The following AZIN2 variants were observed in gnomAD, a reference collection of about 807,000 sequenced individuals.
AZIN2 encodes antizyme inhibitor 2, also known as ODC antizyme inhibitor-2.
Under a neutral mutation model 47.8 loss-of-function variants are expected in AZIN2, and 28 were observed. That is an observed-to-expected ratio of 0.59 (90% CI 0.43 to 0.80). The LOEUF (loss-of-function observed/expected upper bound fraction) is 0.80, where lower values mean the gene tolerates loss of function less well. Among genes scored for constraint, AZIN2 ranks in the 30% least tolerant of loss-of-function variants. The pLI, the probability that AZIN2 is intolerant of heterozygous loss-of-function variation, is 0.00. For synonymous variants in AZIN2, 221 were observed against 239.4 expected (o/e 0.92, Z 0.71); for missense variants, 535 against 582.5 (o/e 0.92, Z 0.84).
the AZIN2 span, among the ~76,000 whole-genome samples, chr1:33,131,642 ATATAT>A: frequency 4.6e-5 from 7 of 152,078 alleles, no homozygotes; most frequent in African/African-American, 1.4e-4. Context: ...AATAATTAAA[ATATAT>A]TAAATTAATT....
chr1:33,150,376 G>C, the AZIN2 span, among the ~76,000 whole-genome samples: 1 of 152,260 alleles, frequency 6.6e-6, no homozygotes, highest in African/African-American at 2.4e-5. Flanking sequence ...CCAACAGGGA[G>C]CTACAGCCAG....
At chr1:33,091,374 G>A (rs940590724) in intron 5 of AZIN2, among the ~76,000 whole-genome samples, 1 of 152,190 alleles carries the variant, frequency 6.6e-6, no homozygotes, top group African/African-American at 2.4e-5. Context: ...TGAGTAGCTG[G>A]AACTACAGGC....
chr1:33,083,753 G>A (rs1320886575), intron 4 of AZIN2: 1 of 610,542 alleles, frequency 1.6e-6, no homozygotes, highest in South Asian at 1.9e-5. Context: ...GGGAGGGATT[G>A]GGGCTAGATC....
the AZIN2 span, among the ~76,000 whole-genome samples, chr1:33,140,909 G>T: frequency 6.6e-6 from 1 of 152,156 alleles, no homozygotes; most frequent in East Asian, 1.9e-4. This position sits in a 1 kb window ranked among gnomAD's most constrained non-coding sequence, Gnocchi z 4.0. Flanking sequence ...GTTCCCAGGG[G>T]GTAGGAGGAG....
chr1:33,107,588 A>G (rs1484157998), intron 10 of AZIN2, among the ~76,000 whole-genome samples: 1 of 152,178 alleles, frequency 6.6e-6, no homozygotes, highest in African/African-American at 2.4e-5. Context: ...CAAAAACAAA[A>G]CAAAACAAAC....
At chr1:33,130,103 C>T in the AZIN2 span, among the ~76,000 whole-genome samples, 2 of 152,202 alleles carry the variant, frequency 1.3e-5, no homozygotes, top group East Asian at 3.9e-4. Flanking sequence ...ACGTGATCCA[C>T]CTGCCTTGGC....
chr1:33,088,415 G>A (rs1642172664), intron 5 of AZIN2, among the ~76,000 whole-genome samples: 1 of 152,202 alleles, frequency 6.6e-6, no homozygotes, highest in South Asian at 2.1e-4. Flanking sequence ...GGGCGATGGT[G>A]ATAGCCACTG....
Position 33,098,173 on chromosome 1 carries a change from G to A in AZIN2, c.1023G>A (p.Leu341=), listed in dbSNP as rs1643360232. 1.2e-6 allele frequency: 2 copies of A among 1,608,086 alleles called. No individual in the cohort carries two copies. Among genetic ancestry groups the A allele is most frequent in the Non-Finnish European group, 1.7e-6 (2 of 1,177,210 alleles). The part of the protein sequence containing the change: ...LFDNICPTPI[L]QKKPSTEQPL... Reference sequence around the variant, plus strand: ...ACAACATCTGCCCTACCCCCATCCTGCAGAAGGTGAGCTTACCCCACGTGG... The same window carrying A: ...ACAACATCTGCCCTACCCCCATCCTACAGAAGGTGAGCTTACCCCACGTGG... Residue 341 remains leucine (L), a synonymous_variant, in exon 10 of 12, where the codon CTG becomes CTA. Transcript: ENST00000294517.
At chr1:33,111,776 A>AT (rs1175165270) in intron 10 of AZIN2, among the ~76,000 whole-genome samples, 2 of 151,196 alleles carry the variant, frequency 1.3e-5, no homozygotes, top group East Asian at 1.9e-4. Flanking sequence ...TAATTTTTGT[A>AT]TTTTTTTTAG....
chr1:33,151,702 G>A, the AZIN2 span, among the ~76,000 whole-genome samples: 1 of 152,194 alleles, frequency 6.6e-6, no homozygotes, highest in South Asian at 2.1e-4. Flanking sequence ...GAGGCAGCCC[G>A]TCTGGTCTCC....
intron 10 of AZIN2, among the ~76,000 whole-genome samples, chr1:33,099,715 T>G (rs1223729539): frequency 6.6e-6 from 1 of 152,246 alleles, no homozygotes; most frequent in African/African-American, 2.4e-5. Context: ...TTGTGGTCTG[T>G]GCTGTTCCTC....
intron 9 of AZIN2, 41 bp from the exon 10 acceptor site, chr1:33,098,026 C>T (rs1643338924): frequency 1.4e-6 from 2 of 1,476,648 alleles, no homozygotes; most frequent in African/African-American, 2.8e-5. Context: ...CACCCCCTCA[C>T]ATTGCTACTT....
intron 10 of AZIN2, chr1:33,102,026 G>A (rs752274715): frequency 2.4e-5 from 15 of 632,282 alleles, no homozygotes; most frequent in Middle Eastern, 2.6e-4. Context: ...GAGTGAGCAA[G>A]GAGTGGAATG....
chr1:33,108,504 C>T lies in AZIN2; in HGVS notation c.1030-9398C>T, dbSNP rs192065164. 8.2e-3 allele frequency among the ~76,000 whole-genome samples: 1,243 copies of T among 152,036 alleles called. 10 individuals are homozygous for T. The highest frequency in any genetic ancestry group is 0.014 in the Non-Finnish European group (946 of 67,960). On this transcript the variant is annotated intron_variant, in intron 10 of 11. Transcript: ENST00000294517. ...ATTACAGACATGTGCCATCATGCCC[C>T]GCTACTTTTTGTATTTTTAGTAGAG...
rs151049367 is a variant in AZIN2, at chr1:33,094,633, G to A, written c.673G>A (p.Glu225Lys). Residue 225 changes from glutamate to lysine, a missense_variant, in exon 8 of 12, where the codon GAG becomes AAG. Around this residue, in one of 3 missense-constraint regions of AZIN2, gnomAD observed 409 missense variants for 429.0 expected, o/e 0.95. Transcript: ENST00000294517. ...CCGGCTCGTGTTTGAAATGGGCACC[G>A]AGCTGGGTCACAAGATGCACGTTCT... is the stretch of plus-strand genomic sequence containing the variant. ...DARLVFEMGT[E>K]LGHKMHVLDL... is the part of the protein sequence containing the mutation. 5.3e-5 allele frequency: 85 copies of A among 1,614,154 alleles called. No homozygotes were observed. The African/African-American group carries it at 7.5e-4, about 14-fold the overall frequency.
chr1:33,158,334 A>T, the AZIN2 span: 8 of 1,613,866 alleles, frequency 5.0e-6, no homozygotes, highest in Non-Finnish European at 6.8e-6. Flanking sequence ...AAGTCTTCAT[A>T]TGTGAGGTTG....
At chr1:33,133,964 G>GC in the AZIN2 span, among the ~76,000 whole-genome samples, 2 of 152,244 alleles carry the variant, frequency 1.3e-5, no homozygotes, top group Non-Finnish European at 2.9e-5. Context: ...AACCTGGCGA[G>GC]CTGCCTCTGC....
chr1:33,107,452 T>C (rs1644068550), intron 10 of AZIN2, among the ~76,000 whole-genome samples: 1 of 152,040 alleles, frequency 6.6e-6, no homozygotes, highest in African/African-American at 2.4e-5. Flanking sequence ...CGGTGATGGG[T>C]GCTTGTAATC....
the AZIN2 span, chr1:33,146,134 A>G: frequency 3.8e-6 from 1 of 263,284 alleles, no homozygotes; most frequent in South Asian, 3.5e-5. Context: ...GTTCCTGGAA[A>G]TTCAGCAGAG....
Sources: gnomAD v4.1 joint callset for allele counts (sites outside exome capture counted in the v4.1 genomes callset) on GRCh38, gnomAD v4.1.1 for gene constraint, gnomAD v4.1.1 regional missense constraint, Gnocchi (gnomAD v3.1) non-coding constraint, MANE v1.5 for transcripts, NCBI Gene and HGNC (gene_info 2026-07-23, HGNC 2026-07-21) for gene names.